The following CLTCL1 variants were observed in gnomAD, a reference collection of about 807,000 sequenced individuals.
The protein encoded by CLTCL1 is clathrin heavy chain like 1.
A neutral mutation model predicts 190.0 loss-of-function variants in CLTCL1; 159 were observed. The ratio of observed to expected loss-of-function variants is 0.84; its 90% CI spans 0.74 to 0.95. The LOEUF (loss-of-function observed/expected upper bound fraction) is 0.95, where lower values mean the gene tolerates loss of function less well. CLTCL1 is among the 40% of genes least tolerant of loss of function. CLTCL1 has a pLI of 0.00. For missense variants in CLTCL1, 1,878 were observed against 2,033.4 expected (o/e 0.92, Z 1.47); for synonymous variants, 752 against 769.6 (o/e 0.98, Z 0.38).
At chr22:19,256,354 CTTTTTTTT>C in intron 2 of CLTCL1, among the ~76,000 whole-genome samples, 2 of 104,358 alleles carry the variant, frequency 1.9e-5, no homozygotes, top group East Asian at 5.2e-4. Context: ...TTTCTTTTAT[CTTTTTTTT>C]TTTTTTTTTT....
intron 20 of CLTCL1, among the ~76,000 whole-genome samples, chr22:19,209,818 T>A (rs1381155852): frequency 6.6e-6 from 1 of 152,024 alleles, no homozygotes; most frequent in African/African-American, 2.4e-5. Flanking sequence ...AAGAAAGGGA[T>A]GCAGTTTAAA....
chr22:19,230,253 G>A (rs782242263), intron 10 of CLTCL1, among the ~76,000 whole-genome samples: 8 of 151,822 alleles, frequency 5.3e-5, no homozygotes, highest in Non-Finnish European at 7.4e-5. Context: ...ACAGGCACCC[G>A]TCACCACACC....
At chr22:19,264,329 C>G (rs1457236211) in intron 2 of CLTCL1, among the ~76,000 whole-genome samples, 1 of 151,228 alleles carries the variant, frequency 6.6e-6, no homozygotes, top group Non-Finnish European at 1.5e-5. Context: ...AAATTGGAAC[C>G]CTGTGCACTA....
chr22:19,223,019 A>G (rs118134864), intron 14 of CLTCL1, among the ~76,000 whole-genome samples: 3,653 of 152,346 alleles, frequency 0.024, 50 homozygotes, highest in Non-Finnish European at 0.037. Context: ...ATTTGGTTAA[A>G]GACTGCTACA....
rs1387189440 is a variant in CLTCL1, at chr22:19,209,031, C to G, written c.3333G>C (p.Leu1111=). 9.9e-6 allele frequency: 16 copies of G among 1,610,848 alleles called. No individual in the cohort carries two copies. The Admixed American group carries it at 2.7e-4, about 27-fold the overall frequency. The part of the protein sequence containing the change: ...RCNEPAVWSQ[L]AQAQLQKDLV... ...AATCTTTCTGGAGCTGGGCTTGGGC[C>G]AGCTGACTCCACACAGCAGGCTCAT... Residue 1111 remains leucine, a synonymous_variant, in exon 21 of 33, where the codon CTG becomes CTC. Transcript: ENST00000427926.
intron 3 of CLTCL1, chr22:19,250,022 G>A (rs2086542668): frequency 3.5e-6 from 1 of 287,340 alleles, no homozygotes; most frequent in Admixed American, 3.8e-5. Flanking sequence ...GGGAGGCCGA[G>A]GTGGGCAGAT....
rs535856528 is a variant in CLTCL1, at chr22:19,274,345, C to T, written c.250+1278G>A. Among the ~76,000 whole-genome samples the T allele has an allele frequency of 9.9e-5, 15 of 152,108 alleles. No homozygotes were observed. The South Asian group carries it at 2.7e-3, about 27-fold the overall frequency. ...CAACAACATAAAATGCAGAAAAGGG[C>T]GACACTGCAAGGCAAATATTCCATC... is the stretch of plus-strand genomic sequence containing the variant. On this transcript the variant is annotated intron_variant, in intron 2 of 32. Transcript: ENST00000427926.
At chr22:19,253,705 C>CT (rs200020789) in intron 3 of CLTCL1, among the ~76,000 whole-genome samples, 10,277 of 146,630 alleles carry the variant, frequency 0.07, 433 homozygotes, top group Middle Eastern at 0.18. Context: ...CTATAACCAA[C>CT]TTTTTTTTTT....
chr22:19,205,929 GT>G (rs11459393), intron 22 of CLTCL1, among the ~76,000 whole-genome samples: 63 of 145,192 alleles, frequency 4.3e-4, no homozygotes, highest in Non-Finnish European at 5.0e-4. Context: ...TCCAACCATT[GT>G]TTTTTTTTTT....
chr22:19,291,692 CG>C lies in CLTCL1; in HGVS notation c.-52del. ...CGGCGGCAGCGGCAGGAATGAACGC[CG>C]ACCCCTCGCGCGGGCTGACCGGTGG... On this transcript the variant is annotated 5_prime_UTR_variant, in exon 1 of 33. Transcript: ENST00000427926. 1 of 1,323,200 alleles carries C rather than the reference CG, an allele frequency of 7.6e-7. No homozygotes were observed. 82.0% of individuals were successfully genotyped at this position (1,323,200 alleles called of 1,614,324 possible).
chr22:19,184,603 G>C, intron 29 of CLTCL1: 1 of 455,430 alleles, frequency 2.2e-6, no homozygotes, highest in Non-Finnish European at 4.4e-6. Flanking sequence ...TCCGCTTTGA[G>C]GACCTGTGAC....
chr22:19,290,363 C>T (rs1454549351), intron 1 of CLTCL1, among the ~76,000 whole-genome samples: 3 of 152,124 alleles, frequency 2.0e-5, no homozygotes, highest in South Asian at 2.1e-4. Flanking sequence ...TTAAATTAAA[C>T]CAGATTTATA....
At chr22:19,197,369 A>G (rs2084744380) in intron 24 of CLTCL1, among the ~76,000 whole-genome samples, 1 of 151,872 alleles carries the variant, frequency 6.6e-6, no homozygotes, top group Non-Finnish European at 1.5e-5. Context: ...TGCACCCCCC[A>G]ATCAGCTACA....
intron 23 of CLTCL1, among the ~76,000 whole-genome samples, chr22:19,200,342 T>C (rs2084842470): frequency 6.6e-6 from 1 of 152,320 alleles, no homozygotes; most frequent in African/African-American, 2.4e-5. Context: ...GCCAGTGTCA[T>C]TAACTTGAGA....
At chr22:19,214,660 A>G (rs538324919) in intron 19 of CLTCL1, among the ~76,000 whole-genome samples, 1 of 149,132 alleles carries the variant, frequency 6.7e-6, no homozygotes, top group South Asian at 2.1e-4. Flanking sequence ...CCAAGTATAT[A>G]CTCTAAAAAT....
In CLTCL1 at chr22:19,208,288, A is replaced by C. The variant is rs1555944230; in HGVS notation, c.3466T>G (p.Phe1156Val). The change falls in exon 22 of 33, where the codon TTT (phenylalanine) becomes GTT (valine). Residue 1156 changes from phenylalanine to valine, a missense_variant. Coordinates refer to ENST00000427926, the MANE Select transcript of CLTCL1 (RefSeq NM_007098.4). ...CCCTTTTTCCTGGCCATCTGCAGAA[A>C]TTTAACTAGATCCTCCCAGTTGTCT... ...RSNNWEDLVKFLQMARKKGRE... is the reference protein window; with the variant it reads ...RSNNWEDLVKVLQMARKKGRE... 6.2e-7 allele frequency: 1 copy of C among 1,613,754 alleles called. No homozygotes were observed. The highest frequency in any genetic ancestry group is 8.5e-7 in the Non-Finnish European group (1 of 1,179,884).
At chr22:19,191,121 T>C (rs540346428) in intron 27 of CLTCL1, among the ~76,000 whole-genome samples, 183 bp downstream of exon 27, 93 of 152,190 alleles carry the variant, frequency 6.1e-4, no homozygotes, top group African/African-American at 2.1e-3. Flanking sequence ...AGAAGCACAA[T>C]AAAATGAAGC....
At chr22:19,267,373 T>G (rs1201287923) in intron 2 of CLTCL1, among the ~76,000 whole-genome samples, 1 of 152,214 alleles carries the variant, frequency 6.6e-6, no homozygotes, top group Non-Finnish European at 1.5e-5. Context: ...ATTGTCAAGA[T>G]AGCAATTCTT....
chr22:19,275,923 AG>A, intron 1 of CLTCL1, 93 bp from the exon 2 acceptor site: 1 of 1,132,638 alleles, frequency 8.8e-7, no homozygotes, highest in Admixed American at 2.4e-5. Context: ...AATAAAATTT[AG>A]AAAAAAGTTA....
Sources: allele counts gnomAD v4.1 joint callset (sites outside exome capture counted in the v4.1 genomes callset), GRCh38; gene constraint gnomAD v4.1.1; transcripts MANE v1.5; gene names NCBI Gene and HGNC (gene_info 2026-07-23, HGNC 2026-07-21).